PROM1: variants seen among roughly 807,000 people sequenced by gnomAD.
PROM1 encodes prominin-1.
In PROM1, 105 loss-of-function variants were observed where a neutral mutation model predicts 116.9. The ratio of observed to expected loss-of-function variants is 0.90; its 90% CI spans 0.77 to 1.06. PROM1 has a LOEUF of 1.06. PROM1 is among the 50% of genes least tolerant of loss of function. The pLI is 0.00. For missense variants in PROM1, 1,122 were observed against 1,045.2 expected (o/e 1.07, Z -1.01); for synonymous variants, 393 against 387.0 (o/e 1.02, Z -0.18).
In PROM1 at chr4:16,000,523, T is replaced by C. The variant is rs1387150003; in HGVS notation, c.1551A>G (p.Glu517=). The change falls in exon 14 of 28, where the codon GAA becomes GAG. Residue 517 remains glutamate, a synonymous_variant. Coordinates refer to ENST00000447510, the MANE Select transcript of PROM1 (RefSeq NM_006017.3). ...GGAATAATTCCTTGCTCGTGTAAGG[T>C]TCACAGATCAGTTTTTCCACATTTG... The part of the protein sequence containing the change: ...FGANVEKLIC[E]PYTSKELFRV... 1 of 1,595,544 alleles carries C rather than the reference T, an allele frequency of 6.3e-7. No homozygotes were observed. Among genetic ancestry groups the C allele is most frequent in the Admixed American group, 1.7e-5 (1 of 59,920 alleles).
chr4:15,996,917 C>T (rs904155958), intron 15 of PROM1, among the ~76,000 whole-genome samples: 8 of 152,220 alleles, frequency 5.3e-5, no homozygotes, highest in Admixed American at 1.3e-4. Flanking sequence ...GAGTCACTAT[C>T]GCCCTGTTAT....
chr4:16,010,657 C>T (rs1259554268), intron 11 of PROM1, among the ~76,000 whole-genome samples: 1 of 152,058 alleles, frequency 6.6e-6, no homozygotes, highest in Admixed American at 6.6e-5. Flanking sequence ...TGTGTACCAC[C>T]ATGTTCAGCT....
chr4:15,995,789 T>A (rs1457416116), intron 15 of PROM1, among the ~76,000 whole-genome samples: 1 of 152,168 alleles, frequency 6.6e-6, no homozygotes, highest in Non-Finnish European at 1.5e-5. Context: ...CCACACTGCA[T>A]AAGACACCCT....
intron 20 of PROM1, among the ~76,000 whole-genome samples, chr4:15,987,339 C>T (rs533838094): frequency 9.8e-4 from 149 of 152,292 alleles, no homozygotes; most frequent in African/African-American, 3.5e-3. Flanking sequence ...AACATTTATA[C>T]TTAGAAGGCA....
Position 16,000,579 on chromosome 4 carries a change from T to C in PROM1, c.1495A>G (p.Ile499Val), listed in dbSNP as rs1055784097. Reference protein sequence around the residue: ...LSFLFCWILMIIVVLTFVFGA... With the variant: ...LSFLFCWILMVIVVLTFVFGA... ...AAGACAAAGGTAAGAACCACAATGA[T>C]CATCAATATCCAGCAAAAGAGGAAA... is the stretch of plus-strand genomic sequence containing the variant. Residue 499 changes from isoleucine to valine, a missense_variant, in exon 14 of 28, where the codon ATC (isoleucine) becomes GTC (valine). Transcript: ENST00000447510. 3 of 1,585,910 alleles carry C rather than the reference T, an allele frequency of 1.9e-6. No homozygotes were observed. Among genetic ancestry groups the C allele is most frequent in the South Asian group, 1.1e-5 (1 of 89,430 alleles).
chr4:16,037,535 C>A (rs751880208), intron 3 of PROM1, among the ~76,000 whole-genome samples: 15 of 152,138 alleles, frequency 9.9e-5, no homozygotes, highest in Non-Finnish European at 2.9e-5. Flanking sequence ...GGTAACGATT[C>A]ACTGGGCAAA....
intron 27 of PROM1, among the ~76,000 whole-genome samples, chr4:15,970,149 A>C (rs1310148454): frequency 6.6e-6 from 1 of 151,876 alleles, no homozygotes; most frequent in African/African-American, 2.4e-5. Context: ...TACTCTAAAA[A>C]AACACTTTCT....
chr4:16,023,958 G>C lies in PROM1; in HGVS notation c.694+337C>G, dbSNP rs145674334. 2.0e-3 allele frequency among the ~76,000 whole-genome samples: 307 copies of C among 152,336 alleles called. 2 individuals carry two copies. The highest frequency in any genetic ancestry group is 7.0e-3 in the African/African-American group (289 of 41,572). On this transcript the variant is annotated intron_variant, in intron 7 of 27. Transcript: ENST00000447510. ...CATTTCTGAAGCCACCGGTTTCTCT[G>C]AGGAGCTGGCTGCGTCTGTGCAGGG...
In PROM1 at chr4:15,992,211, T is replaced by G. The variant is rs773284713; in HGVS notation, c.1911+37A>C. ...GAAATACACATCTGACACTTTAATT[T>G]CTCCTAAAGGATCAAGCATGAACAC... On this transcript the variant is annotated intron_variant, in intron 17 of 27. Coordinates refer to ENST00000447510, the MANE Select transcript of PROM1 (RefSeq NM_006017.3). 10 of 1,598,642 alleles carry G rather than the reference T, an allele frequency of 6.3e-6. 1 individual carries two copies. Among genetic ancestry groups the G allele is most frequent in the South Asian group, 2.3e-5 (2 of 86,994 alleles).
At chr4:16,003,337 T>C (rs1168544071) in intron 13 of PROM1, 2 of 456,598 alleles carry the variant, frequency 4.4e-6, no homozygotes, top group Admixed American at 4.7e-5. Flanking sequence ...ACAGTTTGGC[T>C]TACTTCCTTC....
At chr4:16,060,438 C>G (rs1740041296) in intron 2 of PROM1, among the ~76,000 whole-genome samples, 1 of 152,092 alleles carries the variant, frequency 6.6e-6, no homozygotes, top group East Asian at 1.9e-4. Context: ...TTCAGCCTCC[C>G]AAGTAGCTGG....
intron 14 of PROM1, among the ~76,000 whole-genome samples, chr4:15,999,551 C>T (rs558473376): frequency 8.5e-5 from 13 of 152,148 alleles, no homozygotes; most frequent in South Asian, 4.2e-4. Context: ...TGACTGTACG[C>T]GCTTGAGAAG....
At chr4:15,980,700 T>C (rs369431929) in intron 23 of PROM1, among the ~76,000 whole-genome samples, 163 bp from the exon 24 acceptor site, 329 of 151,640 alleles carry the variant, frequency 2.2e-3, no homozygotes, top group African/African-American at 7.4e-3. Flanking sequence ...GACCAGGCAC[T>C]GTGTGAAGTG....
chr4:16,015,067 C>T (rs13133332), intron 10 of PROM1, among the ~76,000 whole-genome samples: 16,209 of 152,182 alleles, frequency 0.11, 1,082 homozygotes, highest in East Asian at 0.26. Context: ...ATATATGGAC[C>T]GGGCGTGACG....
intron 5 of PROM1, among the ~76,000 whole-genome samples, chr4:16,031,498 G>A (rs1200938715): frequency 6.6e-6 from 1 of 151,926 alleles, no homozygotes; most frequent in Non-Finnish European, 1.5e-5. Context: ...AGAGAGACAG[G>A]GACATTTGGA....
intron 15 of PROM1, among the ~76,000 whole-genome samples, chr4:15,996,012 G>T (rs1351625332): frequency 6.6e-6 from 1 of 152,140 alleles, no homozygotes; most frequent in Non-Finnish European, 1.5e-5. Flanking sequence ...TACTTAGCTC[G>T]CTTTACAACA....
intron 23 of PROM1, among the ~76,000 whole-genome samples, chr4:15,981,119 G>A (rs1415421448): frequency 6.6e-6 from 1 of 150,926 alleles, no homozygotes; most frequent in Non-Finnish European, 1.5e-5. Flanking sequence ...CCGCCACCAC[G>A]CCTGGCTGAT....
At chr4:16,009,634 C>T (rs1219969024) in intron 11 of PROM1, among the ~76,000 whole-genome samples, 1 of 152,034 alleles carries the variant, frequency 6.6e-6, no homozygotes, top group Non-Finnish European at 1.5e-5. Context: ...ATAATAATTT[C>T]TCCCTCTAAG....
At chr4:16,027,505 C>G (rs1013624312) in intron 5 of PROM1, among the ~76,000 whole-genome samples, 21 of 152,232 alleles carry the variant, frequency 1.4e-4, no homozygotes, top group African/African-American at 4.6e-4. Context: ...TACAAGAAGT[C>G]AAAGTGAACT....
Sources: allele counts gnomAD v4.1 joint callset (sites outside exome capture counted in the v4.1 genomes callset), GRCh38; gene constraint gnomAD v4.1.1; transcripts MANE v1.5; gene names NCBI Gene and HGNC (gene_info 2026-07-23, HGNC 2026-07-21).